The following ADAM29 variants were observed in gnomAD, a reference collection of about 807,000 sequenced individuals.
ADAM29 encodes disintegrin and metalloproteinase domain-containing protein 29.
For synonymous variants in ADAM29, 367 were observed against 342.3 expected (o/e 1.07, Z -0.80); for missense variants, 969 against 1,001.8 (o/e 0.97, Z 0.44).
Position 174,976,244 on chromosome 4 carries a change from G to A in ADAM29, c.719G>A (p.Gly240Asp), listed in dbSNP as rs1746782211. The change falls in exon 5 of 5, where the codon GGT (glycine) becomes GAT (aspartate). Residue 240 changes from glycine to aspartate, a missense_variant. Gly to Asp is a moderately conservative substitution (Grantham distance 94, BLOSUM62 -1). Coordinates refer to ENST00000359240, the MANE Select transcript of ADAM29 (RefSeq NM_014269.4). ...GTGGATTCCATTTTGGATGTCATTGGTGTTAAGGTGTTATTATTTGGTTTG... is the reference window on the plus strand; with the variant it reads ...GTGGATTCCATTTTGGATGTCATTGATGTTAAGGTGTTATTATTTGGTTTG... ...NIVDSILDVIGVKVLLFGLEI... is the reference protein window; with the variant it reads ...NIVDSILDVIDVKVLLFGLEI... The A allele has an allele frequency of 6.2e-7, 1 of 1,607,016 alleles. No individual in the cohort carries two copies. Among genetic ancestry groups the A allele is most frequent in the African/African-American group, 1.3e-5 (1 of 74,520 alleles).
At chr4:174,961,607 A>G (rs1745825424) in intron 4 of ADAM29, among the ~76,000 whole-genome samples, 1 of 152,152 alleles carries the variant, frequency 6.6e-6, no homozygotes. Context: ...ATTTCTCGTT[A>G]TTACTACATT....
At position 174,977,743 on chromosome 4, in the gene ADAM29, C is replaced by T. The variant is rs138638645; in HGVS notation, c.2218C>T (p.Gln740Ter). 6.2e-7 allele frequency: 1 copy of T among 1,604,186 alleles called. No homozygotes were observed. The highest frequency in any genetic ancestry group is 1.3e-5 in the African/African-American group (1 of 74,826). Reference sequence around the variant, plus strand: ...GAGTCAACCTTGGGTGATGCCTTCCCAGAGTCAACCTCCTGTGACGCCTTC... The same window carrying T: ...GAGTCAACCTTGGGTGATGCCTTCCTAGAGTCAACCTCCTGTGACGCCTTC... ...PQSQPWVMPS[Q>*]SQPPVTPSQS... The change falls in exon 5 of 5, where the codon CAG becomes TAG. Residue 740 changes from glutamine to a stop codon, truncating the protein, a stop_gained. Coordinates refer to ENST00000359240, the MANE Select transcript of ADAM29 (RefSeq NM_014269.4). LOFTEE classifies it low-confidence loss of function (END_TRUNC).
intron 4 of ADAM29, among the ~76,000 whole-genome samples, chr4:174,941,003 T>C (rs1744508835): frequency 6.6e-6 from 1 of 152,206 alleles, no homozygotes; most frequent in Non-Finnish European, 1.5e-5. Context: ...TGTTTTAATC[T>C]GTAGAACAAA....
rs1242159377 is a variant in ADAM29 at position 174,976,634 on chromosome 4, G to A, written c.1109G>A (p.Ser370Asn). The change falls in exon 5 of 5, where the codon AGT becomes AAT. Residue 370 changes from serine (S) to asparagine (N), a missense_variant. Physicochemically the swap from Ser to Asn is conservative, Grantham distance 46. Coordinates refer to ENST00000359240, the MANE Select transcript of ADAM29 (RefSeq NM_014269.4). ...CCAATAACTAAATTTAGCAATTGTA[G>A]TTATGGTGATTTTTGGGAATATACT... ...NPPITKFSNC[S>N]YGDFWEYTVE... The A allele has an allele frequency of 1.1e-5, 18 of 1,612,926 alleles. No individual in the cohort carries two copies. The highest frequency in any genetic ancestry group is 1.4e-5 in the Non-Finnish European group (17 of 1,179,524).
chr4:174,953,260 T>A (rs991612733), intron 4 of ADAM29, among the ~76,000 whole-genome samples: 1 of 152,144 alleles, frequency 6.6e-6, no homozygotes, highest in African/African-American at 2.4e-5. Context: ...CACTCTAGCC[T>A]GGGCAACAGA....
At chr4:174,933,113 A>G (rs1436432060) in intron 3 of ADAM29, among the ~76,000 whole-genome samples, 1 of 152,184 alleles carries the variant, frequency 6.6e-6, no homozygotes, top group Non-Finnish European at 1.5e-5. Context: ...TCTAGAGAAT[A>G]AATTAGATTG....
intron 4 of ADAM29, among the ~76,000 whole-genome samples, chr4:174,968,503 CT>C (rs1268253542): frequency 6.6e-6 from 1 of 152,118 alleles, no homozygotes; most frequent in East Asian, 1.9e-4. Context: ...TACGTAAGCA[CT>C]TTAGACTTGA....
intron 4 of ADAM29, among the ~76,000 whole-genome samples, chr4:174,939,274 C>T (rs541006770): frequency 4.6e-5 from 7 of 152,230 alleles, no homozygotes; most frequent in African/African-American, 1.7e-4. Context: ...TTTCCATTTC[C>T]TTTTCTAAGA....
intron 4 of ADAM29, among the ~76,000 whole-genome samples, chr4:174,949,224 C>T (rs1422087808): frequency 6.6e-6 from 1 of 152,094 alleles, no homozygotes; most frequent in African/African-American, 2.4e-5. Flanking sequence ...CGTGACTGCT[C>T]TGCTCTGTCC....
At position 174,975,342 on chromosome 4, in the gene ADAM29, A is replaced by G. The variant is rs1746700673; in HGVS notation, c.-180-4A>G. The G allele has an allele frequency of 2.3e-6, 1 of 439,390 alleles. No individual in the cohort carries two copies. Among genetic ancestry groups the G allele is most frequent in the East Asian group, 3.4e-5 (1 of 29,102 alleles). The allele number at this position is 439,390 out of a possible 1,614,324, so 27.2% of individuals were successfully genotyped here. A position where few individuals can be genotyped will look rare whatever the true frequency, so the allele number is the denominator to read the frequency against. ...CCACATGCTGCTTTTTGTTTTACTT[A>G]TAGTGCTGCAGCTCTGATGGTTCAA... On this transcript the variant is annotated splice_polypyrimidine_tract_variant and splice_region_variant and intron_variant, in intron 4 of 4. Transcript: ENST00000359240.
intron 4 of ADAM29, among the ~76,000 whole-genome samples, chr4:174,972,479 A>T (rs918450008): frequency 6.6e-6 from 1 of 152,148 alleles, no homozygotes; most frequent in Non-Finnish European, 1.5e-5. Context: ...CATTTCTATT[A>T]ATCTTTTATC....
intron 3 of ADAM29, among the ~76,000 whole-genome samples, chr4:174,935,970 G>T (rs1177051951): frequency 6.6e-6 from 1 of 152,020 alleles, no homozygotes; most frequent in Non-Finnish European, 1.5e-5. Context: ...TAAATAGAGT[G>T]ACCATATAAT....
chr4:174,933,461 C>G (rs1744021044), intron 3 of ADAM29, among the ~76,000 whole-genome samples: 1 of 152,030 alleles, frequency 6.6e-6, no homozygotes, highest in African/African-American at 2.4e-5. Context: ...AAGTTACATG[C>G]CTACCAAGCT....
Position 174,953,213 on chromosome 4 carries a change from G to GCA in ADAM29, c.-181+16200_-181+16201insCA, listed in dbSNP as rs1399866140. Among the ~76,000 whole-genome samples the GCA allele has an allele frequency of 2.6e-5, 4 of 152,092 alleles. No homozygotes were observed. The East Asian group carries it at 5.8e-4, about 22-fold the overall frequency. ...AGGCAGGAGAATGGCATGAACCCAGGAGGCGGAGCTTGCAGTGAGCTGAGA... is the reference window on the plus strand; with the variant it reads ...AGGCAGGAGAATGGCATGAACCCAGGCAAGGCGGAGCTTGCAGTGAGCTGAGA... On this transcript the variant is annotated intron_variant, in intron 4 of 4. Transcript: ENST00000359240.
chr4:174,952,072 T>TTAA (rs1560877640), intron 4 of ADAM29, among the ~76,000 whole-genome samples: 1 of 152,192 alleles, frequency 6.6e-6, no homozygotes, highest in Admixed American at 6.5e-5. Context: ...GCTAATTAGC[T>TTAA]TGATTTAGCC....
In ADAM29 at chr4:174,960,445, A is replaced by T. The variant is rs1745746512; in HGVS notation, c.-180-14901A>T. 2.6e-5 allele frequency among the ~76,000 whole-genome samples: 4 copies of T among 152,090 alleles called. No homozygotes were observed. The South Asian group carries it at 8.3e-4, about 32-fold the overall frequency. On this transcript the variant is annotated intron_variant, in intron 4 of 4. Coordinates refer to ENST00000359240, the MANE Select transcript of ADAM29 (RefSeq NM_014269.4). ...CACTGTATAATTTCAGTTTTTTAAA[A>T]AGTATTTAGATTTGTTTGATTTTTT...
chr4:174,966,198 A>G (rs909731738), intron 4 of ADAM29, among the ~76,000 whole-genome samples: 1 of 152,224 alleles, frequency 6.6e-6, no homozygotes, highest in African/African-American at 2.4e-5. Flanking sequence ...GCACATGTTC[A>G]GTACAGATGC....
At chr4:174,930,113 A>G (rs949549544) in intron 2 of ADAM29, among the ~76,000 whole-genome samples, 24 of 152,002 alleles carry the variant, frequency 1.6e-4, no homozygotes, top group African/African-American at 5.6e-4. Context: ...TATTTTTAGT[A>G]GAGACGGGGT....
chr4:174,928,564 G>T (rs1743657908), intron 2 of ADAM29, among the ~76,000 whole-genome samples: 3 of 10,218 alleles, frequency 2.9e-4, no homozygotes, highest in Admixed American at 1.2e-3. Flanking sequence ...TCCCTGTCAT[G>T]TGCTTAAAAA....
Sources: allele counts gnomAD v4.1 joint callset (sites outside exome capture counted in the v4.1 genomes callset), GRCh38; gene constraint gnomAD v4.1.1; transcripts MANE v1.5; gene names NCBI Gene and HGNC (gene_info 2026-07-23, HGNC 2026-07-21).